Variants in NOL8 observed in about 807,000 individuals in gnomAD.
The protein encoded by NOL8 is nucleolar protein Nop132.
Under a neutral mutation model 116.1 loss-of-function variants are expected in NOL8, and 93 were observed. The ratio of observed to expected loss-of-function variants is 0.80; its 90% confidence interval spans 0.68 to 0.95. The LOEUF (loss-of-function observed/expected upper bound fraction) is 0.95, where lower values mean the gene tolerates loss of function less well. Ranked by LOEUF, NOL8 falls within the 40% of genes least tolerant of loss-of-function variation. The pLI, the probability that NOL8 is intolerant of heterozygous loss-of-function variation, is 0.00. For missense variants in NOL8, 1,291 were observed against 1,382.8 expected (o/e 0.93, Z 1.05); for synonymous variants, 419 against 469.0 (o/e 0.89, Z 1.38).
Position 92,315,966 on chromosome 9 carries a change from ATCT to A in NOL8, c.656_658del (p.Lys219del), listed in dbSNP as rs752908821. Reference sequence around the variant, plus strand: ...ACTCTCATCCTTCTGCACTTTTATTATCTTCTTGGGAGGGCCATGAAAGTCAGA... The same window carrying A: ...ACTCTCATCCTTCTGCACTTTTATTATCTTGGGAGGGCCATGAAAGTCAGA... On this transcript the variant is annotated inframe_deletion, in exon 7 of 17. Transcript: ENST00000442668. The A allele has an allele frequency of 5.0e-6, 8 of 1,613,756 alleles. No individual in the cohort carries two copies. The Admixed American group carries it at 5.0e-5, about 10-fold the overall frequency.
At chr9:92,322,642 TTTAATTCTCACAGAAATATTATGAGGC>T in intron 3 of NOL8, among the ~76,000 whole-genome samples, 1 of 152,350 alleles carries the variant, frequency 6.6e-6, no homozygotes, top group East Asian at 1.9e-4. Flanking sequence ...TATCATTTAA[TTTAATTCTCACAGAAATATTATGAGGC>T]AAGCACTATC....
Position 92,321,671 on chromosome 9 carries a change from T to C in NOL8, c.278A>G (p.His93Arg). 1 of 1,528,280 alleles carries C rather than the reference T, an allele frequency of 6.5e-7. No individual in the cohort carries two copies. Among genetic ancestry groups the C allele is most frequent in the Non-Finnish European group, 8.8e-7 (1 of 1,139,170 alleles). The allele number at this position is 1,528,280 out of a possible 1,614,324, so 94.7% of individuals were successfully genotyped here. Residue 93 changes from histidine (H) to arginine (R), a missense_variant, in exon 4 of 17, where the codon CAC becomes CGC. By Grantham distance (29) the His-to-Arg change is conservative. Coordinates refer to ENST00000442668, the MANE Select transcript of NOL8 (RefSeq NM_017948.6). ...ATCCATGTGGAGCAAAACTTACCTG[T>C]GCAGAAAGCTTTCTTTTGCTAGTTG... Reference protein sequence around the residue: ...QIQLAKESFLHRLAQEREAAK... With the variant: ...QIQLAKESFLRRLAQEREAAK...
At chr9:92,299,814 T>C (rs1837574907) in intron 14 of NOL8, 76 bp downstream of exon 14, 1 of 1,481,940 alleles carries the variant, frequency 6.7e-7, no homozygotes, top group Non-Finnish European at 9.2e-7. Context: ...GAAGAGAAGC[T>C]AAAATATTTC....
At chr9:92,319,147 C>A (rs1461413066) in intron 5 of NOL8, 74 bp downstream of exon 5, 1 of 1,426,270 alleles carries the variant, frequency 7.0e-7, no homozygotes, top group East Asian at 2.7e-5. Flanking sequence ...TTAGACATGA[C>A]ACCCACAATC....
In NOL8 at chr9:92,298,306, C is replaced by T. The variant is rs2134074233; in HGVS notation, c.3404G>A (p.Ser1135Asn). Reference protein sequence around the residue: ...GSDLFWRGVGSNMSRNSWEAR... With the variant: ...GSDLFWRGVGNNMSRNSWEAR... ...CTCCCAAGAGTTCCTGCTCATATTACTTCCTACTCCTCTCCAGAATAAGTC... is the reference window on the plus strand; with the variant it reads ...CTCCCAAGAGTTCCTGCTCATATTATTTCCTACTCCTCTCCAGAATAAGTC... The change falls in exon 16 of 17, where the codon AGT (serine) becomes AAT (asparagine). Residue 1135 changes from serine (S) to asparagine (N), a missense_variant. By Grantham distance (46) the Ser-to-Asn change is conservative. Transcript: ENST00000442668. The T allele has an allele frequency of 2.5e-6, 4 of 1,608,822 alleles. No homozygotes were observed. The highest frequency in any genetic ancestry group is 1.1e-5 in the South Asian group (1 of 89,580).
At position 92,315,368 on chromosome 9, in the gene NOL8, C is replaced by T. The variant is rs1310401449; in HGVS notation, c.1257G>A (p.Glu419=). Residue 419 remains glutamate, a synonymous_variant, in exon 7 of 17, where the codon GAG becomes GAA. Coordinates refer to ENST00000442668, the MANE Select transcript of NOL8 (RefSeq NM_017948.6). The part of the protein sequence containing the change: ...KTSFKNRENC[E]LSDHCIKLQK... The stretch of plus-strand genomic sequence containing the variant: ...GTAGTTTAATACAGTGATCAGAAAG[C>T]TCACAGTTTTCTCTATTTTTGAAAG... 1 of 1,607,524 alleles carries T rather than the reference C, an allele frequency of 6.2e-7. No individual in the cohort carries two copies. The highest frequency in any genetic ancestry group is 8.5e-7 in the Non-Finnish European group (1 of 1,176,334).
chr9:92,297,711 C>A lies in NOL8; in HGVS notation c.*125G>T. On this transcript the variant is annotated 3_prime_UTR_variant, in exon 17 of 17. Coordinates refer to ENST00000442668, the MANE Select transcript of NOL8 (RefSeq NM_017948.6). ...AAAGATGGCAACCAGAATGATATTC[C>A]GTCAGCCAGATTTTTAAAATTCCTT... 1.5e-6 allele frequency: 1 copy of A among 672,152 alleles called. No homozygotes were observed. The highest frequency in any genetic ancestry group is 2.5e-6 in the Non-Finnish European group (1 of 403,282). 41.6% of individuals were successfully genotyped at this position (672,152 alleles called of 1,614,324 possible).
intron 12 of NOL8, among the ~76,000 whole-genome samples, chr9:92,302,561 C>G (rs7872375): frequency 0.48 from 72,298 of 152,056 alleles, 20,716 homozygotes; most frequent in African/African-American, 0.81. Context: ...AAACCAACCT[C>G]GTTAGGTTTT....
Position 92,311,249 on chromosome 9 carries a change from G to T in NOL8, c.2369C>A (p.Pro790Gln). The change falls in exon 8 of 17, where the codon CCA becomes CAA. Residue 790 changes from proline (P) to glutamine (Q), a missense_variant. Transcript: ENST00000442668. Reference sequence around the variant, plus strand: ...GATGATGTGCGTTGGCTTATCCTCTGGATGACCATCCTAGGGAGGCCATCG... The same window carrying T: ...GATGATGTGCGTTGGCTTATCCTCTTGATGACCATCCTAGGGAGGCCATCG... ...HNALANLDGH[P>Q]EDKPTHIIFG... is the part of the protein sequence containing the mutation. 1 of 1,612,974 alleles carries T rather than the reference G, an allele frequency of 6.2e-7. No individual in the cohort carries two copies. Among genetic ancestry groups the T allele is most frequent in the Non-Finnish European group, 8.5e-7 (1 of 1,179,182 alleles).
Position 92,310,543 on chromosome 9 carries a change from C to A in NOL8, c.2595+10G>T. ...TGCTGCAAGTCTAATTATTTTCAGT[C>A]TTCACTAACCTTCTGTCCAGCTCTG... On this transcript the variant is annotated intron_variant, in intron 9 of 16. Transcript: ENST00000442668. 1 of 1,584,068 alleles carries A rather than the reference C, an allele frequency of 6.3e-7. No homozygotes were observed. The highest frequency in any genetic ancestry group is 1.9e-5 in the Admixed American group (1 of 52,382).
intron 10 of NOL8, among the ~76,000 whole-genome samples, chr9:92,308,737 G>A (rs1477010774): frequency 6.6e-6 from 1 of 152,138 alleles, no homozygotes; most frequent in Non-Finnish European, 1.5e-5. Flanking sequence ...TTTCAAGAAG[G>A]GATGATCAAC....
chr9:92,310,735 A>T, intron 8 of NOL8, 60 bp from the exon 9 acceptor site: 1 of 1,519,694 alleles, frequency 6.6e-7, no homozygotes, highest in East Asian at 2.3e-5. Context: ...TTCCCTTCAT[A>T]ACGTAATCTT....
intron 10 of NOL8, among the ~76,000 whole-genome samples, chr9:92,309,947 G>A (rs549147491): frequency 6.6e-6 from 1 of 152,270 alleles, no homozygotes; most frequent in Admixed American, 6.5e-5. Context: ...ACCTTTGGTG[G>A]ATGTTATTTT....
At chr9:92,308,621 C>T (rs1196661032) in intron 10 of NOL8, among the ~76,000 whole-genome samples, 2 of 152,100 alleles carry the variant, frequency 1.3e-5, no homozygotes, top group African/African-American at 4.8e-5. Context: ...GCTATAGGGA[C>T]TTACAGAACC....
At position 92,319,226 on chromosome 9, in the gene NOL8, GCCCTGGCACTTCTGT is replaced by G. The variant is rs748138870; in HGVS notation, c.397_411del (p.Thr133_Gly137del). ...AGGCTACAGAGGAGACTCACCTTAT[GCCCTGGCACTTCTGT>G]CCCTGGCACAGCTTTCATATGGAAA... On this transcript the variant is annotated inframe_deletion, in exon 5 of 17. Transcript: ENST00000442668. 34 of 1,560,554 alleles carry G rather than the reference GCCCTGGCACTTCTGT, an allele frequency of 2.2e-5. No individual in the cohort carries two copies. Among genetic ancestry groups the G allele is most frequent in the African/African-American group, 5.6e-5 (4 of 70,818 alleles).
intron 6 of NOL8, among the ~76,000 whole-genome samples, chr9:92,317,600 T>C (rs1228384863): frequency 6.6e-6 from 1 of 152,156 alleles, no homozygotes; most frequent in Non-Finnish European, 1.5e-5. Flanking sequence ...TTTACTGCAG[T>C]TGTCAATCAG....
chr9:92,303,181 C>A (rs965062745), intron 12 of NOL8, among the ~76,000 whole-genome samples: 3 of 151,970 alleles, frequency 2.0e-5, no homozygotes, highest in Non-Finnish European at 4.4e-5. Context: ...GACTCCTAAT[C>A]TCCAGAAGGC....
rs748327773 is a variant in NOL8 at position 92,314,736 on chromosome 9, C to T, written c.1889G>A (p.Cys630Tyr). The T allele has an allele frequency of 6.2e-7, 1 of 1,613,846 alleles. No individual in the cohort carries two copies. The highest frequency in any genetic ancestry group is 8.5e-7 in the Non-Finnish European group (1 of 1,179,854). ...GCCATTCGCCTTCTTTGCATGTTGG[C>T]ATGGAGTCACTTCACCTAATGAGCC... ...VNGSLGEVTP[C>Y]QHAKKANGPN... Residue 630 changes from cysteine to tyrosine, a missense_variant, in exon 7 of 17, where the codon TGC becomes TAC. Coordinates refer to ENST00000442668, the MANE Select transcript of NOL8 (RefSeq NM_017948.6).
chr9:92,305,019 C>T (rs747683116), intron 12 of NOL8, among the ~76,000 whole-genome samples: 5 of 151,882 alleles, frequency 3.3e-5, no homozygotes, highest in Non-Finnish European at 7.4e-5. Context: ...GAAACAGAAG[C>T]TCCTACCACA....
Sources: allele counts gnomAD v4.1 joint callset (sites outside exome capture counted in the v4.1 genomes callset), GRCh38; gene constraint gnomAD v4.1.1; transcripts MANE v1.5; gene names NCBI Gene and HGNC (gene_info 2026-07-23, HGNC 2026-07-21).